ABCB1: variants seen among roughly 807,000 people sequenced by gnomAD.
ABCB1 encodes ATP-dependent translocase ABCB1.
ABCB1 carries 69 observed loss-of-function variants against 142.0 expected under a neutral mutation model. The ratio of observed to expected loss-of-function variants is 0.49; its 90% CI spans 0.40 to 0.59. ABCB1 has a LOEUF of 0.59. Ranked by LOEUF, ABCB1 falls within the 20% of genes least tolerant of loss-of-function variation. The probability of loss-of-function intolerance (pLI) is 0.00; values close to 1 mark genes in which losing one functional copy is unlikely to be tolerated. For missense variants in ABCB1, 1,326 were observed against 1,554.7 expected (o/e 0.85, Z 2.47); for synonymous variants, 532 against 539.2 (o/e 0.99, Z 0.18).
intron 4 of ABCB1, among the ~76,000 whole-genome samples, chr7:87,572,880 C>G (rs942500792): frequency 1.7e-5 from 2 of 119,752 alleles, no homozygotes; most frequent in African/African-American, 6.7e-5. Flanking sequence ...AAACAACACA[C>G]ACTGGAGACT....
At chr7:87,546,313 G>A (rs1459898253) in intron 14 of ABCB1, among the ~76,000 whole-genome samples, 3 of 152,124 alleles carry the variant, frequency 2.0e-5, no homozygotes, top group Non-Finnish European at 4.4e-5. Flanking sequence ...CTTGGGCCGG[G>A]CGTGGTGGCT....
chr7:87,653,982 A>G (rs1188952044), intron 1 of ABCB1, among the ~76,000 whole-genome samples: 2 of 152,046 alleles, frequency 1.3e-5, no homozygotes, highest in African/African-American at 4.8e-5. Flanking sequence ...ATTGAACTAT[A>G]GCTTATATTT....
At chr7:87,692,739 C>T (rs555234171) in intron 1 of ABCB1, among the ~76,000 whole-genome samples, 23 of 152,086 alleles carry the variant, frequency 1.5e-4, no homozygotes, top group Non-Finnish European at 3.1e-4. Flanking sequence ...ATGTTATTTG[C>T]AATGAAAAGC....
At chr7:87,624,359 G>A (rs889935448) in intron 1 of ABCB1, among the ~76,000 whole-genome samples, 1 of 152,148 alleles carries the variant, frequency 6.6e-6, no homozygotes, top group African/African-American at 2.4e-5. Context: ...CCACTTCTCT[G>A]AGACTAGAAT....
intron 1 of ABCB1, among the ~76,000 whole-genome samples, chr7:87,653,147 C>T (rs1325894622): frequency 1.3e-5 from 2 of 151,996 alleles, no homozygotes; most frequent in Non-Finnish European, 2.9e-5. Flanking sequence ...ATCTTACTTT[C>T]CTAGGATATA....
At chr7:87,631,140 G>A (rs530917481) in intron 1 of ABCB1, among the ~76,000 whole-genome samples, 5 of 152,260 alleles carry the variant, frequency 3.3e-5, no homozygotes, top group African/African-American at 1.2e-4. Context: ...CTGTTTTTCA[G>A]ATCCAAATAG....
At chr7:87,659,725 G>A (rs1308649671) in intron 1 of ABCB1, among the ~76,000 whole-genome samples, 1 of 152,140 alleles carries the variant, frequency 6.6e-6, no homozygotes, top group Non-Finnish European at 1.5e-5. Context: ...TTACTGCTGT[G>A]TCATTCTCTG....
At chr7:87,525,041 GT>G (rs67151359) in intron 21 of ABCB1, among the ~76,000 whole-genome samples, 14,721 of 152,064 alleles carry the variant, frequency 0.097, 1,209 homozygotes, top group East Asian at 0.37. Flanking sequence ...CCTAAAAGTG[GT>G]GAGTAAAACA....
chr7:87,549,992 A>G lies in ABCB1; in HGVS notation c.1413T>C (p.Gly471=). 1 of 1,614,242 alleles carries G rather than the reference A, an allele frequency of 6.2e-7. No homozygotes were observed. Among genetic ancestry groups the G allele is most frequent in the South Asian group, 1.1e-5 (1 of 91,082 alleles). The change falls in exon 13 of 28, where the codon GGT becomes GGC. Residue 471 remains glycine (G), a synonymous_variant. Transcript: ENST00000622132. ...ACAATACAGGTTCCTGACTCACCAC[A>G]CCAATGATTTCCCGTAGAAACCTTA... is the stretch of plus-strand genomic sequence containing the variant. ...INVRFLREII[G]VVSQEPVLFA...
Position 87,564,103 on chromosome 7 carries a change from C to T in ABCB1, c.702+1967G>A, listed in dbSNP as rs1031484030. On this transcript the variant is annotated intron_variant, in intron 7 of 27. Transcript: ENST00000622132. Reference sequence around the variant, plus strand: ...TTGGGTAATGAAATAATCTGTATAACAAATGCCCATGACACAAGTTTCCTA... The same window carrying T: ...TTGGGTAATGAAATAATCTGTATAATAAATGCCCATGACACAAGTTTCCTA... 7.6e-5 allele frequency: 34 copies of T among 449,142 alleles called. No individual in the cohort carries two copies. In the Admixed American group the frequency reaches 8.2e-4, roughly 11 times the overall value. 27.8% of individuals were successfully genotyped at this position (449,142 alleles called of 1,614,324 possible).
chr7:87,591,722 C>T (rs1245948076), intron 3 of ABCB1, among the ~76,000 whole-genome samples: 1 of 151,848 alleles, frequency 6.6e-6, no homozygotes, highest in Admixed American at 6.6e-5. Context: ...GGGTATACTT[C>T]GAGGATACCA....
chr7:87,544,875 C>G lies in ABCB1; in HGVS notation c.2012G>C (p.Ser671Thr). Residue 671 changes from serine to threonine, a missense_variant, in exon 16 of 28, where the codon AGT (serine) becomes ACT (threonine). Transcript: ENST00000622132. ...SLIRKRSTRRSVRGSQAQDRK... is the reference protein window; with the variant it reads ...SLIRKRSTRRTVRGSQAQDRK... The stretch of plus-strand genomic sequence containing the variant: ...GTCTTGGGCTTGTGATCCACGGACA[C>G]TCCTACGAGTTGATCTTTTTCTTAT... 6.2e-7 allele frequency: 1 copy of G among 1,614,152 alleles called. No individual in the cohort carries two copies. Among genetic ancestry groups the G allele is most frequent in the South Asian group, 1.1e-5 (1 of 91,084 alleles).
intron 25 of ABCB1, among the ~76,000 whole-genome samples, chr7:87,514,078 T>C (rs1815129296): frequency 6.6e-6 from 1 of 152,222 alleles, no homozygotes; most frequent in African/African-American, 2.4e-5. Flanking sequence ...TAACTGTCTT[T>C]GAATACAATA....
chr7:87,550,306 C>G lies in ABCB1; in HGVS notation c.1225-10G>C. The G allele has an allele frequency of 1.2e-6, 2 of 1,613,976 alleles. No homozygotes were observed. Among genetic ancestry groups the G allele is most frequent in the Non-Finnish European group, 1.7e-6 (2 of 1,180,016 alleles). ...TCAGACCCTTCAAGATCTACCAGGA[C>G]GAGTGAGAAAAAAACTTCAAGGCAA... On this transcript the variant is annotated splice_polypyrimidine_tract_variant and intron_variant, in intron 11 of 27. Transcript: ENST00000622132.
rs75498281 is a variant in ABCB1 at position 87,519,596 on chromosome 7, G to A, written c.2787-130C>T. ...ATGGGTTTCGTTTCCAAAGAACTAA[G>A]TTTGGTCCTCACTTTACACTTAACA... On this transcript the variant is annotated intron_variant, in intron 22 of 27. Coordinates refer to ENST00000622132, the MANE Select transcript of ABCB1 (RefSeq NM_001348946.2). The A allele has an allele frequency of 1.7e-3, 1,805 of 1,045,024 alleles. 22 individuals carry two copies. The African/African-American group carries it at 0.026, about 15-fold the overall frequency. 64.7% of individuals were successfully genotyped at this position (1,045,024 alleles called of 1,614,324 possible).
At chr7:87,672,184 G>A (rs1161413243) in intron 1 of ABCB1, among the ~76,000 whole-genome samples, 1 of 152,224 alleles carries the variant, frequency 6.6e-6, no homozygotes, top group Non-Finnish European at 1.5e-5. Context: ...CACAGGCAGG[G>A]ATGGCTAGAG....
chr7:87,510,389 T>C (rs1299539038), intron 25 of ABCB1, among the ~76,000 whole-genome samples: 5 of 152,228 alleles, frequency 3.3e-5, no homozygotes, highest in African/African-American at 1.2e-4. Context: ...AACAGAGGGC[T>C]GCCCTTTCTC....
intron 1 of ABCB1, among the ~76,000 whole-genome samples, chr7:87,608,761 A>T (rs750051208): frequency 6.6e-6 from 1 of 152,212 alleles, no homozygotes; most frequent in Non-Finnish European, 1.5e-5. Flanking sequence ...CAATGAGGTA[A>T]CGTTCACTCA....
chr7:87,694,105 T>C (rs534342087), intron 1 of ABCB1: 9 of 1,448,010 alleles, frequency 6.2e-6, no homozygotes, highest in Non-Finnish European at 8.2e-6. Context: ...TTTTTGTTTT[T>C]TTTTTTTAAT....
Sources: gnomAD v4.1 joint callset for allele counts (sites outside exome capture counted in the v4.1 genomes callset) on GRCh38, gnomAD v4.1.1 for gene constraint, MANE v1.5 for transcripts, NCBI Gene and HGNC (gene_info 2026-07-23, HGNC 2026-07-21) for gene names.